The following ERBIN variants were observed in gnomAD, a reference collection of about 807,000 sequenced individuals.
ERBIN encodes the protein densin-180-like protein.
A neutral mutation model predicts 158.4 loss-of-function variants in ERBIN; 60 were observed. The observed-to-expected ratio is 0.38, with a 90% CI of 0.31 to 0.47. The LOEUF (loss-of-function observed/expected upper bound fraction) is 0.47, where lower values mean the gene tolerates loss of function less well. Ranked by LOEUF, ERBIN falls within the 20% of genes least tolerant of loss-of-function variation. The pLI, the probability that ERBIN is intolerant of heterozygous loss-of-function variation, is 0.99. For synonymous variants in ERBIN, 594 were observed against 557.2 expected, an observed-to-expected ratio of 1.07 and a Z score of -0.93; for missense variants, 1,610 against 1,648.0, an observed-to-expected ratio of 0.98 and a Z score of 0.40.
At chr5:66,060,205 TCA>T (rs1432432084) in intron 21 of ERBIN, among the ~76,000 whole-genome samples, 1 of 152,224 alleles carries the variant, frequency 6.6e-6, no homozygotes, top group Admixed American at 6.5e-5. Flanking sequence ...AATTATTGCC[TCA>T]ATTTCAGAGC....
At chr5:66,042,574 T>G (rs1758016277) in intron 15 of ERBIN, among the ~76,000 whole-genome samples, 1 of 152,120 alleles carries the variant, frequency 6.6e-6, no homozygotes, top group Non-Finnish European at 1.5e-5. Context: ...TTTTGCATTT[T>G]GGATTTTTTG....
chr5:66,072,404 C>T (rs942875321), intron 22 of ERBIN, 113 bp downstream of exon 22: 65 of 1,049,542 alleles, frequency 6.2e-5, no homozygotes, highest in Non-Finnish European at 7.4e-5. Context: ...GGGCTTTCCC[C>T]CCTTTATTAG....
intron 1 of ERBIN, among the ~76,000 whole-genome samples, chr5:65,966,548 C>T (rs1273092049): frequency 2.0e-5 from 3 of 151,868 alleles, no homozygotes; most frequent in Non-Finnish European, 2.9e-5. Flanking sequence ...GGCATGGTGG[C>T]GCATGCCTGT....
chr5:66,003,662 G>A (rs571677403), intron 4 of ERBIN, among the ~76,000 whole-genome samples: 1 of 152,204 alleles, frequency 6.6e-6, no homozygotes, highest in African/African-American at 2.4e-5. Flanking sequence ...GTTACAGAAT[G>A]GATTGGTGTG....
intron 2 of ERBIN, among the ~76,000 whole-genome samples, chr5:65,991,713 G>A (rs900440464): frequency 1.3e-5 from 2 of 152,160 alleles, no homozygotes; most frequent in African/African-American, 4.8e-5. Context: ...TATACATTGT[G>A]TACTTAATAA....
intron 1 of ERBIN, among the ~76,000 whole-genome samples, chr5:65,930,327 A>T (rs989774718): frequency 1.3e-5 from 2 of 152,144 alleles, no homozygotes; most frequent in African/African-American, 2.4e-5. Flanking sequence ...TTATTTTGAG[A>T]TGGAGTCTTG....
intron 4 of ERBIN, among the ~76,000 whole-genome samples, chr5:65,995,635 C>T (rs1010428516): frequency 6.6e-6 from 1 of 152,106 alleles, no homozygotes; most frequent in Admixed American, 6.5e-5. Flanking sequence ...CACTTTGATA[C>T]ATATCCAGTA....
intron 1 of ERBIN, among the ~76,000 whole-genome samples, chr5:65,963,093 CT>C: frequency 6.6e-6 from 1 of 152,056 alleles, no homozygotes; most frequent in Non-Finnish European, 1.5e-5. Flanking sequence ...TGATTGATTA[CT>C]TTTTAAAAGG....
intron 12 of ERBIN, 108 bp from the exon 13 acceptor site, chr5:66,026,194 T>G: frequency 1.3e-6 from 1 of 760,960 alleles, no homozygotes. Context: ...TCATTATTTC[T>G]TCTATAAATG....
chr5:66,065,844 T>G (rs1162431279), intron 21 of ERBIN, among the ~76,000 whole-genome samples: 1 of 152,144 alleles, frequency 6.6e-6, no homozygotes, highest in Non-Finnish European at 1.5e-5. Context: ...GTGAAGCCAC[T>G]GTTACTTCCT....
At chr5:65,935,237 T>C (rs1160021183) in intron 1 of ERBIN, among the ~76,000 whole-genome samples, 2 of 152,210 alleles carry the variant, frequency 1.3e-5, no homozygotes, top group Non-Finnish European at 2.9e-5. Context: ...CAACCTGTGA[T>C]ATTTTTGGCT....
At position 66,023,306 on chromosome 5, in the gene ERBIN, A is replaced by G; in HGVS notation, c.614A>G (p.Gln205Arg). 1 of 1,613,230 alleles carries G rather than the reference A, an allele frequency of 6.2e-7. No homozygotes were observed. Among genetic ancestry groups the G allele is most frequent in the Non-Finnish European group, 8.5e-7 (1 of 1,179,410 alleles). ...EFTEVPEVLE[Q>R]LSGLKEFWMD... Reference sequence around the variant, plus strand: ...TCCCAACAGCCTGAAGTACTTGAGCAACTAAGTGGATTGAAAGAGTTTTGG... The same window carrying G: ...TCCCAACAGCCTGAAGTACTTGAGCGACTAAGTGGATTGAAAGAGTTTTGG... The change falls in exon 9 of 26, where the codon CAA becomes CGA. Residue 205 changes from glutamine (Q) to arginine (R), a missense_variant. By Grantham distance (43) the Gln-to-Arg change is conservative. Coordinates refer to ENST00000284037, the MANE Select transcript of ERBIN (RefSeq NM_001253697.2).
At chr5:65,955,078 CAAG>C (rs996670199) in intron 1 of ERBIN, among the ~76,000 whole-genome samples, 5 of 151,806 alleles carry the variant, frequency 3.3e-5, no homozygotes, top group African/African-American at 1.2e-4. Flanking sequence ...AAAAACAAAA[CAAG>C]AAAAACAAAA....
At chr5:65,980,101 G>A (rs918311494) in intron 1 of ERBIN, among the ~76,000 whole-genome samples, 3 of 152,152 alleles carry the variant, frequency 2.0e-5, no homozygotes, top group African/African-American at 7.2e-5. Context: ...GGTAAGAAAA[G>A]AAGAACAAAG....
chr5:66,057,130 A>C (rs571157657), intron 21 of ERBIN, among the ~76,000 whole-genome samples: 4 of 152,352 alleles, frequency 2.6e-5, no homozygotes, highest in African/African-American at 9.6e-5. Flanking sequence ...AAATTTTTTA[A>C]AAAGCATTTA....
At position 66,059,637 on chromosome 5, in the gene ERBIN, C is replaced by A. The variant is rs554632553; in HGVS notation, c.3633+4686C>A. Among the ~76,000 whole-genome samples the A allele has an allele frequency of 1.8e-3, 271 of 152,266 alleles. 1 individual carries two copies. Among genetic ancestry groups the A allele is most frequent in the African/African-American group, 6.3e-3 (263 of 41,544 alleles). ...TGCCAGTTTTCAAAGGGAATGCTTC[C>A]AGTTTTTGTCCATTCAGTATGATAT... On this transcript the variant is annotated intron_variant, in intron 21 of 25. Coordinates refer to ENST00000284037, the MANE Select transcript of ERBIN (RefSeq NM_001253697.2).
chr5:66,043,852 T>G (rs193298313), intron 16 of ERBIN, among the ~76,000 whole-genome samples: 4 of 152,300 alleles, frequency 2.6e-5, no homozygotes, highest in Admixed American at 2.6e-4. Context: ...GTTTCAAAGC[T>G]AAGTGACACA....
At chr5:66,036,488 C>CT (rs1419384528) in intron 14 of ERBIN, among the ~76,000 whole-genome samples, 1 of 152,172 alleles carries the variant, frequency 6.6e-6, no homozygotes, top group Non-Finnish European at 1.5e-5. Flanking sequence ...TCACCTTAGA[C>CT]TTTCTTTCAG....
chr5:66,009,197 A>C (rs1753939475), intron 4 of ERBIN, among the ~76,000 whole-genome samples: 1 of 152,176 alleles, frequency 6.6e-6, no homozygotes, highest in Non-Finnish European at 1.5e-5. Context: ...CATTTGAAAA[A>C]TATTTAGTCA....
Sources: gnomAD v4.1 joint callset for allele counts (sites outside exome capture counted in the v4.1 genomes callset) on GRCh38, gnomAD v4.1.1 for gene constraint, MANE v1.5 for transcripts, NCBI Gene and HGNC (gene_info 2026-07-23, HGNC 2026-07-21) for gene names.